Variants in MACROD2 observed in about 807,000 individuals in gnomAD.
The protein encoded by MACROD2 is ADP-ribose glycohydrolase MACROD2.
Under a neutral mutation model 70.4 loss-of-function variants are expected in MACROD2, and 36 were observed. That is an observed-to-expected ratio of 0.51 (90% confidence interval 0.39 to 0.68). The LOEUF (loss-of-function observed/expected upper bound fraction) is 0.68, where lower values mean the gene tolerates loss of function less well. MACROD2 is among the 30% of genes least tolerant of loss of function. The pLI, the probability that MACROD2 is intolerant of heterozygous loss-of-function variation, is 0.00. For missense variants in MACROD2, 496 were observed against 538.4 expected (o/e 0.92, Z 0.78); for synonymous variants, 172 against 178.8 (o/e 0.96, Z 0.30).
intron 5 of MACROD2, among the ~76,000 whole-genome samples, chr20:14,877,207 C>G (rs939317710): frequency 4.6e-5 from 7 of 151,830 alleles, no homozygotes; most frequent in African/African-American, 1.5e-4. Context: ...TTTTATTTTT[C>G]AGGTGGCTAT....
intron 8 of MACROD2, among the ~76,000 whole-genome samples, chr20:15,802,625 A>T (rs1294292070): frequency 6.6e-6 from 1 of 152,170 alleles, no homozygotes; most frequent in Non-Finnish European, 1.5e-5. Context: ...AAAAGCAAGA[A>T]CAAACCGAAT....
chr20:15,692,879 T>C (rs2050315969), intron 8 of MACROD2, among the ~76,000 whole-genome samples: 1 of 152,152 alleles, frequency 6.6e-6, no homozygotes, highest in African/African-American at 2.4e-5. Flanking sequence ...GGGAGGAGCC[T>C]GGTGGGAGGT....
At chr20:15,993,763 A>G (rs992713537) in intron 15 of MACROD2, among the ~76,000 whole-genome samples, 3 of 152,234 alleles carry the variant, frequency 2.0e-5, no homozygotes, top group South Asian at 2.1e-4. Context: ...ATCATACAGG[A>G]CAATACAACA....
intron 3 of MACROD2, among the ~76,000 whole-genome samples, chr20:14,154,023 A>G (rs1050904593): frequency 6.6e-6 from 1 of 152,244 alleles, no homozygotes; most frequent in Non-Finnish European, 1.5e-5. Flanking sequence ...TTTTAAATGC[A>G]CAAGTACTGA....
chr20:14,586,037 G>A (rs894223202), intron 4 of MACROD2, among the ~76,000 whole-genome samples: 3 of 152,098 alleles, frequency 2.0e-5, no homozygotes, highest in African/African-American at 7.2e-5. Flanking sequence ...ATACACTTGT[G>A]ATGGCCTTGT....
At chr20:15,102,989 A>G (rs2075884723) in intron 5 of MACROD2, among the ~76,000 whole-genome samples, 1 of 152,142 alleles carries the variant, frequency 6.6e-6, no homozygotes, top group Admixed American at 6.6e-5. Flanking sequence ...ACATACAGTG[A>G]TATGTCTTAT....
At chr20:14,743,996 G>A (rs1017316950) in intron 5 of MACROD2, among the ~76,000 whole-genome samples, 3 of 152,096 alleles carry the variant, frequency 2.0e-5, no homozygotes, top group African/African-American at 7.2e-5. Context: ...AGCTGAAAAA[G>A]TCAAGGAAAT....
chr20:15,485,081 G>C (rs2047146652), intron 7 of MACROD2, among the ~76,000 whole-genome samples: 1 of 151,534 alleles, frequency 6.6e-6, no homozygotes, highest in Non-Finnish European at 1.5e-5. Flanking sequence ...CTTGCATGTT[G>C]AACCGCCTAT....
At chr20:15,032,336 T>C (rs2075282119) in intron 5 of MACROD2, among the ~76,000 whole-genome samples, 1 of 152,208 alleles carries the variant, frequency 6.6e-6, no homozygotes, top group Non-Finnish European at 1.5e-5. Context: ...CCCCGTCGGC[T>C]CCGCACGCTG....
chr20:14,277,445 G>A (rs1568534561), intron 3 of MACROD2, among the ~76,000 whole-genome samples: 1 of 152,066 alleles, frequency 6.6e-6, no homozygotes, highest in East Asian at 1.9e-4. Flanking sequence ...CCGTCTCAAA[G>A]CAAACAAACA....
intron 6 of MACROD2, among the ~76,000 whole-genome samples, chr20:15,246,636 T>C (rs1309504372): frequency 1.3e-5 from 2 of 152,182 alleles, no homozygotes; most frequent in Non-Finnish European, 2.9e-5. Context: ...CGTAAGATGA[T>C]ATAGTTGTGG....
intron 5 of MACROD2, among the ~76,000 whole-genome samples, chr20:15,105,406 G>T (rs2075903415): frequency 6.6e-6 from 1 of 152,092 alleles, no homozygotes; most frequent in East Asian, 1.9e-4. Flanking sequence ...GGGGAATAAA[G>T]TGCTCTGATT....
At chr20:15,125,703 A>T (rs1347761994) in intron 5 of MACROD2, among the ~76,000 whole-genome samples, 1 of 152,120 alleles carries the variant, frequency 6.6e-6, no homozygotes, top group East Asian at 1.9e-4. Context: ...GATGTAATTT[A>T]CATATAGTAA....
chr20:15,940,800 C>T (rs979013494), intron 12 of MACROD2, among the ~76,000 whole-genome samples: 1 of 152,122 alleles, frequency 6.6e-6, no homozygotes, highest in African/African-American at 2.4e-5. Flanking sequence ...CTTAGAGAGA[C>T]AAATAAATGT....
intron 13 of MACROD2, among the ~76,000 whole-genome samples, chr20:15,980,973 T>C (rs757591141): frequency 6.6e-6 from 1 of 152,212 alleles, no homozygotes; most frequent in Non-Finnish European, 1.5e-5. Flanking sequence ...GGCAGGCCTA[T>C]AGTATTGTAT....
chr20:15,677,980 A>C (rs150559777), intron 8 of MACROD2, among the ~76,000 whole-genome samples: 2,521 of 151,882 alleles, frequency 0.017, 47 homozygotes, highest in South Asian at 0.047. Context: ...CAGGAGAATG[A>C]CTTGAACCCA....
intron 10 of MACROD2, among the ~76,000 whole-genome samples, chr20:15,925,916 C>T (rs912152786): frequency 6.6e-6 from 1 of 152,190 alleles, no homozygotes; most frequent in Admixed American, 6.5e-5. Flanking sequence ...GCTTGCACCC[C>T]TTCTGTTAAT....
At chr20:15,847,705 C>T (rs1480793415) in intron 8 of MACROD2, among the ~76,000 whole-genome samples, 1 of 152,144 alleles carries the variant, frequency 6.6e-6, no homozygotes, top group African/African-American at 2.4e-5. Context: ...ATTCTATTAC[C>T]CTCTACTAAA....
At chr20:14,438,955 G>T (rs2084089688) in intron 3 of MACROD2, among the ~76,000 whole-genome samples, 1 of 152,066 alleles carries the variant, frequency 6.6e-6, no homozygotes, top group Admixed American at 6.6e-5. Flanking sequence ...CTGAATTTTG[G>T]CATAATACAC....
Sources: allele counts gnomAD v4.1 joint callset (sites outside exome capture counted in the v4.1 genomes callset), GRCh38; gene constraint gnomAD v4.1.1; transcripts MANE v1.5; gene names NCBI Gene and HGNC (gene_info 2026-07-23, HGNC 2026-07-21).